VPS13B: variants seen among roughly 807,000 people sequenced by gnomAD.
VPS13B encodes the protein intermembrane lipid transfer protein VPS13B.
A neutral mutation model predicts 426.4 loss-of-function variants in VPS13B; 285 were observed. That is an observed-to-expected ratio of 0.67 (90% CI 0.61 to 0.74). The LOEUF (loss-of-function observed/expected upper bound fraction) is 0.74. VPS13B is among the 30% of genes least tolerant of loss of function. The probability of loss-of-function intolerance (pLI) is 0.00; values close to 1 mark genes in which losing one functional copy is unlikely to be tolerated. For synonymous variants in VPS13B, 1,676 were observed against 1,676.4 expected, an observed-to-expected ratio of 1.00 and a Z score of 0.01; for missense variants, 4,537 against 4,782.6, an observed-to-expected ratio of 0.95 and a Z score of 1.51.
intron 27 of VPS13B, among the ~76,000 whole-genome samples, chr8:99,504,832 G>A (rs553501457): frequency 1.3e-5 from 2 of 152,224 alleles, no homozygotes; most frequent in Non-Finnish European, 2.9e-5. Context: ...TTAAACCCAG[G>A]CATTGACTTC....
At position 99,474,183 on chromosome 8, in the gene VPS13B, A is replaced by ATTTTTTTTTTTTTTTTTTTTTTTTTTTTT. The variant is rs34752686; in HGVS notation, c.3666+6569_3666+6570insTTTTTTTTTTTTTTTTTTTTTTTTTTTTT. The stretch of plus-strand genomic sequence containing the variant: ...TCTTCAAACAATGGACTGTTATCCA[A>ATTTTTTTTTTTTTTTTTTTTTTTTTTTTT]TTTTTTTTTTTTTTTTTTTTGTGGA... On this transcript the variant is annotated intron_variant, in intron 24 of 61. Transcript: ENST00000357162. 5.6e-5 allele frequency among the ~76,000 whole-genome samples: 7 copies of ATTTTTTTTTTTTTTTTTTTTTTTTTTTTT among 124,966 alleles called. 1 individual carries two copies. Among genetic ancestry groups the ATTTTTTTTTTTTTTTTTTTTTTTTTTTTT allele is most frequent in the African/African-American group, 2.0e-4 (6 of 30,754 alleles). The allele number at this position is 124,966 out of a possible 152,430, so 82.0% of individuals were successfully genotyped here. A position where few individuals can be genotyped will look rare whatever the true frequency, so the allele number is the denominator to read the frequency against.
intron 25 of VPS13B, among the ~76,000 whole-genome samples, chr8:99,484,940 T>C (rs903312238): frequency 6.6e-6 from 1 of 152,032 alleles, no homozygotes; most frequent in Non-Finnish European, 1.5e-5. Context: ...CTTCATAAAA[T>C]TTTTGCATTA....
intron 39 of VPS13B, among the ~76,000 whole-genome samples, chr8:99,734,282 T>C (rs1833725283): frequency 6.6e-6 from 1 of 152,220 alleles, no homozygotes; most frequent in Admixed American, 6.5e-5. Context: ...TGATGGACAT[T>C]TGAGTGTTTG....
chr8:99,391,447 A>G (rs373668530), intron 20 of VPS13B, 110 bp from the exon 21 acceptor site: 91 of 1,544,104 alleles, frequency 5.9e-5, no homozygotes, highest in Non-Finnish European at 7.4e-5. Flanking sequence ...ATGAAGTCTC[A>G]GCCCCAACTT....
intron 39 of VPS13B, among the ~76,000 whole-genome samples, chr8:99,746,060 T>C (rs1043362399): frequency 1.3e-5 from 2 of 152,020 alleles, no homozygotes; most frequent in Admixed American, 6.6e-5. Flanking sequence ...CCTTATGCCG[T>C]TTACTTATTG....
At chr8:99,344,138 G>C (rs897118559) in intron 19 of VPS13B, among the ~76,000 whole-genome samples, 3 of 152,118 alleles carry the variant, frequency 2.0e-5, no homozygotes, top group Non-Finnish European at 1.5e-5. Flanking sequence ...AAGTTAGAAG[G>C]CCTGGAAACA....
chr8:99,798,835 T>G (rs775519380), intron 43 of VPS13B, among the ~76,000 whole-genome samples: 2 of 152,234 alleles, frequency 1.3e-5, no homozygotes, highest in Admixed American at 6.5e-5. Flanking sequence ...AAAGGTCCTT[T>G]ACTGAGCTAA....
intron 57 of VPS13B, among the ~76,000 whole-genome samples, chr8:99,859,957 C>T (rs1816752686): frequency 6.6e-6 from 1 of 152,160 alleles, no homozygotes; most frequent in South Asian, 2.1e-4. Context: ...TAAACAGTGC[C>T]ATCTTGTGGC....
At chr8:99,216,517 A>G (rs2132813891) in intron 17 of VPS13B, among the ~76,000 whole-genome samples, 1 of 151,910 alleles carries the variant, frequency 6.6e-6, no homozygotes, top group East Asian at 1.9e-4. Flanking sequence ...TGAATGAATG[A>G]ATGTAAAATT....
rs528556147 is a variant in VPS13B, at chr8:99,628,033, A to C, written c.5221-13778A>C. Among the ~76,000 whole-genome samples the C allele has an allele frequency of 2.0e-5, 3 of 152,352 alleles. No individual in the cohort carries two copies. In the East Asian group the frequency reaches 5.8e-4, roughly 29 times the overall value. ...AACAATGAGATCCAGAACCTCCTCC[A>C]GCTCTAACAAGTCATGATTCTGATG... On this transcript the variant is annotated intron_variant, in intron 33 of 61. Coordinates refer to ENST00000357162, the MANE Select transcript of VPS13B (RefSeq NM_152564.5).
chr8:99,171,108 T>C (rs758996954), intron 16 of VPS13B, among the ~76,000 whole-genome samples: 37 of 152,026 alleles, frequency 2.4e-4, no homozygotes, highest in Non-Finnish European at 4.4e-4. Context: ...AAGTCGTAGT[T>C]AAGTCTTAGT....
At chr8:99,154,849 A>G (rs1465790401) in intron 14 of VPS13B, among the ~76,000 whole-genome samples, 2 of 152,188 alleles carry the variant, frequency 1.3e-5, no homozygotes, top group Non-Finnish European at 2.9e-5. Context: ...AGATAGCATT[A>G]TCAAAGCCTC....
chr8:99,867,522 GC>G (rs1462956257), intron 58 of VPS13B, among the ~76,000 whole-genome samples: 3 of 152,176 alleles, frequency 2.0e-5, no homozygotes, highest in Non-Finnish European at 4.4e-5. Flanking sequence ...AAGAGGAAGA[GC>G]CTGTTTTATA....
intron 39 of VPS13B, among the ~76,000 whole-genome samples, chr8:99,762,031 T>C (rs1433917514): frequency 6.6e-6 from 1 of 152,064 alleles, no homozygotes; most frequent in Non-Finnish European, 1.5e-5. Context: ...TTGTGGTTTT[T>C]TTTTTATTTT....
At chr8:99,104,225 A>C (rs1175499466) in intron 5 of VPS13B, among the ~76,000 whole-genome samples, 5 of 152,164 alleles carry the variant, frequency 3.3e-5, no homozygotes, top group Non-Finnish European at 4.4e-5. Context: ...GTTGTAACAC[A>C]GTGGTATTTG....
intron 16 of VPS13B, among the ~76,000 whole-genome samples, chr8:99,173,355 G>A (rs911046248): frequency 7.9e-5 from 12 of 152,036 alleles, no homozygotes; most frequent in African/African-American, 2.9e-4. Flanking sequence ...AGTGACACCA[G>A]GGTAAATTCT....
chr8:99,588,184 T>C (rs1293347426), intron 33 of VPS13B, among the ~76,000 whole-genome samples: 1 of 151,762 alleles, frequency 6.6e-6, no homozygotes, highest in Admixed American at 6.6e-5. Context: ...GGACTATCTG[T>C]TTTGGTACCA....
chr8:99,382,324 C>T (rs1813859186), intron 19 of VPS13B, among the ~76,000 whole-genome samples: 2 of 152,038 alleles, frequency 1.3e-5, no homozygotes, highest in Admixed American at 6.6e-5. Flanking sequence ...TTTTTCATTT[C>T]ATATGAATTT....
chr8:99,136,642 T>C, intron 11 of VPS13B, 23 bp from the exon 12 acceptor site: 1 of 1,612,930 alleles, frequency 6.2e-7, no homozygotes, highest in African/African-American at 1.3e-5. Flanking sequence ...ATGTTTATTC[T>C]GTTTGCATTG....
Sources: allele counts gnomAD v4.1 joint callset (sites outside exome capture counted in the v4.1 genomes callset), GRCh38; gene constraint gnomAD v4.1.1; transcripts MANE v1.5; gene names NCBI Gene and HGNC (gene_info 2026-07-23, HGNC 2026-07-21).